Variants in UBOX5 observed in about 807,000 individuals in gnomAD.
The protein encoded by UBOX5 is RING finger protein 37.
Under a neutral mutation model 39.0 loss-of-function variants are expected in UBOX5, and 28 were observed. The ratio of observed to expected loss-of-function variants is 0.72; its 90% CI spans 0.53 to 0.98. The LOEUF is 0.98. Among genes scored for constraint, UBOX5 ranks in the 50% least tolerant of loss-of-function variants. The probability of loss-of-function intolerance (pLI) is 0.00; values close to 1 mark genes in which losing one functional copy is unlikely to be tolerated. For missense variants in UBOX5, 585 were observed against 674.4 expected (o/e 0.87, Z 1.47); for synonymous variants, 283 against 275.5 (o/e 1.03, Z -0.27).
At chr20:3,123,435 GAAAATGT>G in intron 1 of UBOX5, 29 bp from the exon 2 acceptor site, 1 of 1,487,630 alleles carries the variant, frequency 6.7e-7, no homozygotes. Flanking sequence ...CTATGTATTA[GAAAATGT>G]AAAATTCAAT....
At chr20:3,134,039 G>C (rs986398650) in intron 1 of UBOX5, among the ~76,000 whole-genome samples, 1 of 152,014 alleles carries the variant, frequency 6.6e-6, no homozygotes, top group Non-Finnish European at 1.5e-5. Flanking sequence ...TTACAGGTGT[G>C]AGCCACCTTG....
chr20:3,124,655 C>T (rs861381), intron 1 of UBOX5, among the ~76,000 whole-genome samples: 56,679 of 149,102 alleles, frequency 0.38, 12,325 homozygotes, highest in East Asian at 0.54. Flanking sequence ...TCTGCCCGGC[C>T]GCCCTGTCTG....
chr20:3,136,743 C>T (rs902733066), intron 1 of UBOX5, among the ~76,000 whole-genome samples: 8 of 152,040 alleles, frequency 5.3e-5, no homozygotes, highest in African/African-American at 1.9e-4. Context: ...GCAAGCTCCA[C>T]CTCCCAGGTT....
intron 2 of UBOX5, 140 bp downstream of exon 2, chr20:3,123,171 TA>T: frequency 1.2e-6 from 1 of 855,218 alleles, no homozygotes; most frequent in Non-Finnish European, 1.8e-6. Flanking sequence ...CATGCTTACC[TA>T]AATACCATCT....
intron 1 of UBOX5, among the ~76,000 whole-genome samples, chr20:3,143,717 T>C (rs1224269384): frequency 6.6e-6 from 1 of 152,048 alleles, no homozygotes; most frequent in Non-Finnish European, 1.5e-5. Flanking sequence ...TGCCTGAACC[T>C]GGGAGGCGGA....
chr20:3,115,753 C>CT (rs11481933), intron 3 of UBOX5, among the ~76,000 whole-genome samples: 49,202 of 88,050 alleles, frequency 0.56, 15,232 homozygotes, highest in East Asian at 0.85. Flanking sequence ...CTGCACGCTC[C>CT]TTTTTTTTTT....
chr20:3,125,834 C>T (rs1469467692), intron 1 of UBOX5, among the ~76,000 whole-genome samples: 13 of 148,428 alleles, frequency 8.8e-5, no homozygotes, highest in East Asian at 2.1e-4. Context: ...CGCCTCTGCC[C>T]GGCTGCCCCG....
intron 1 of UBOX5, among the ~76,000 whole-genome samples, chr20:3,158,216 C>T (rs1194001778): frequency 6.6e-6 from 1 of 152,068 alleles, no homozygotes; most frequent in Admixed American, 6.5e-5. Flanking sequence ...AGTAATCCTT[C>T]CACTTCGGCC....
intron 3 of UBOX5, among the ~76,000 whole-genome samples, chr20:3,118,945 A>AAAGG (rs1013394422): frequency 1.3e-5 from 2 of 152,212 alleles, no homozygotes; most frequent in Non-Finnish European, 2.9e-5. Flanking sequence ...TCTCAAAAAA[A>AAAGG]AAGGAAGGAA....
At chr20:3,157,980 C>T (rs35681402) in intron 1 of UBOX5, among the ~76,000 whole-genome samples, 2 of 151,934 alleles carry the variant, frequency 1.3e-5, no homozygotes, top group African/African-American at 4.8e-5. Context: ...ACTGCATCCT[C>T]GACCACTGCC....
At chr20:3,148,363 T>C (rs757793040) in intron 1 of UBOX5, 1 of 1,614,162 alleles carries the variant, frequency 6.2e-7, no homozygotes, top group South Asian at 1.1e-5. Flanking sequence ...TCATCTCCCA[T>C]ACCTGATGGC....
At chr20:3,120,664 T>C (rs985295719) in intron 3 of UBOX5, among the ~76,000 whole-genome samples, 1 of 147,792 alleles carries the variant, frequency 6.8e-6, no homozygotes, top group African/African-American at 2.5e-5. Context: ...AAAAAAAAGA[T>C]TGTTGCAATT....
At chr20:3,158,970 C>G (rs2066718300) in intron 1 of UBOX5, among the ~76,000 whole-genome samples, 1 of 152,204 alleles carries the variant, frequency 6.6e-6, no homozygotes, top group Non-Finnish European at 1.5e-5. Flanking sequence ...TTGGTGCTAA[C>G]GCAGCTGGCT....
chr20:3,125,875 C>T (rs1323348772), intron 1 of UBOX5, among the ~76,000 whole-genome samples: 9 of 146,162 alleles, frequency 6.2e-5, no homozygotes, highest in African/African-American at 1.8e-4. Flanking sequence ...TCTGCCTGGC[C>T]GCCACCCCGT....
At chr20:3,134,860 C>T (rs978039180) in intron 1 of UBOX5, among the ~76,000 whole-genome samples, 2 of 149,880 alleles carry the variant, frequency 1.3e-5, no homozygotes, top group African/African-American at 4.9e-5. Context: ...AGCGAAACTC[C>T]GTCTCAAAAA....
intron 4 of UBOX5, chr20:3,110,630 A>G: frequency 2.6e-6 from 1 of 390,690 alleles, no homozygotes; most frequent in Non-Finnish European, 4.8e-6. Context: ...CCCCTGCGAT[A>G]GGTGGCCAAG....
intron 4 of UBOX5, among the ~76,000 whole-genome samples, chr20:3,113,515 A>C (rs1414108861): frequency 6.6e-6 from 1 of 152,106 alleles, no homozygotes; most frequent in Admixed American, 6.6e-5. Context: ...GATGAGCCAC[A>C]GTAAGGCGAG....
At chr20:3,120,970 A>G (rs114867154) in intron 3 of UBOX5, among the ~76,000 whole-genome samples, 2,924 of 152,244 alleles carry the variant, frequency 0.019, 36 homozygotes, top group Middle Eastern at 0.071. Flanking sequence ...TAACACAAAG[A>G]AGGCACCAGA....
At position 3,109,553 on chromosome 20, in the gene UBOX5, A is replaced by ATCTC; in HGVS notation, c.*552_*553insGAGA. On this transcript the variant is annotated 3_prime_UTR_variant, in exon 5 of 5. Coordinates refer to ENST00000217173, the MANE Select transcript of UBOX5 (RefSeq NM_014948.4). Reference sequence around the variant, plus strand: ...CTGTGAGCTCCACTTGTGTGGGTGCAGGTGGGCGACAGGAGTGTGTGACAC... The same window carrying ATCTC: ...CTGTGAGCTCCACTTGTGTGGGTGCATCTCGGTGGGCGACAGGAGTGTGTGACAC... The ATCTC allele has an allele frequency of 1.5e-4, 24 of 158,970 alleles. No homozygotes were observed. The highest frequency in any genetic ancestry group is 1.5e-3 in the South Asian group (8 of 5,388). 9.8% of individuals were successfully genotyped at this position (158,970 alleles called of 1,614,324 possible).
Sources: gnomAD v4.1 joint callset for allele counts (sites outside exome capture counted in the v4.1 genomes callset) on GRCh38, gnomAD v4.1.1 for gene constraint, MANE v1.5 for transcripts, NCBI Gene and HGNC (gene_info 2026-07-23, HGNC 2026-07-21) for gene names.